Variants in ABR observed in about 807,000 individuals in gnomAD.
ABR encodes active breakpoint cluster region-related protein.
A neutral mutation model predicts 107.2 loss-of-function variants in ABR; 35 were observed. That is an observed-to-expected ratio of 0.33 (90% CI 0.25 to 0.43). ABR has a LOEUF of 0.43. Among genes scored for constraint, ABR ranks in the 20% least tolerant of loss-of-function variants. The pLI is 1.00. For missense variants in ABR, 815 were observed against 1,115.2 expected (o/e 0.73, Z 3.83); for synonymous variants, 498 against 462.0 (o/e 1.08, Z -1.00).
rs570474098 is a variant in ABR, at chr17:1,035,239, G to A, written c.1791+14811C>T. On this transcript the variant is annotated intron_variant, in intron 16 of 22. Coordinates refer to ENST00000302538, the MANE Select transcript of ABR (RefSeq NM_021962.5). Reference sequence around the variant, plus strand: ...AATTCTAGTCGCTGCAGCCCACCACGGACCCCTCCTCATCTCTGCTGGGTT... The same window carrying A: ...AATTCTAGTCGCTGCAGCCCACCACAGACCCCTCCTCATCTCTGCTGGGTT... 1.8e-4 allele frequency among the ~76,000 whole-genome samples: 28 copies of A among 151,454 alleles called. No homozygotes were observed. The East Asian group carries it at 5.0e-3, about 27-fold the overall frequency.
At chr17:1,208,924 A>C (rs1212424391) in intron 1 of ABR, among the ~76,000 whole-genome samples, 1 of 151,430 alleles carries the variant, frequency 6.6e-6, no homozygotes, top group Admixed American at 6.6e-5. Context: ...GTGCCTGCCA[A>C]GTCAGTTAAA....
chr17:1,098,442 T>C lies in ABR; in HGVS notation c.345+2195A>G, dbSNP rs1057146477. Among the ~76,000 whole-genome samples the C allele has an allele frequency of 8.5e-5, 13 of 152,276 alleles. No homozygotes were observed. In the East Asian group the frequency reaches 1.5e-3, roughly 18 times the overall value. On this transcript the variant is annotated intron_variant, in intron 3 of 22. Coordinates refer to ENST00000302538, the MANE Select transcript of ABR (RefSeq NM_021962.5). The stretch of plus-strand genomic sequence containing the variant: ...CATGGGCCCGGCAATTACATATATA[T>C]ACAGGCACACAGACAGACAACAAAC...
rs577764776 is a variant in ABR, at chr17:1,211,346, G to A, written c.838+17447C>T. Among the ~76,000 whole-genome samples the A allele has an allele frequency of 5.9e-5, 9 of 152,250 alleles. No individual in the cohort carries two copies. The South Asian group carries it at 1.2e-3, about 21-fold the overall frequency. ...AAATAAATAAAAATATGGATTCCAGGTTTTGCTCTGACCCAGTGGGATTCC... is the reference window on the plus strand; with the variant it reads ...AAATAAATAAAAATATGGATTCCAGATTTTGCTCTGACCCAGTGGGATTCC... On this transcript the variant is annotated intron_variant, in intron 1 of 22. Transcript: ENST00000574139.
chr17:1,191,808 T>C (rs1215482935), upstream of ABR, among the ~76,000 whole-genome samples: 1 of 152,156 alleles, frequency 6.6e-6, no homozygotes, highest in Non-Finnish European at 1.5e-5. Context: ...GTCAGGACTC[T>C]GCATGTATTA....
intron 16 of ABR, among the ~76,000 whole-genome samples, chr17:1,043,492 C>A (rs1426174151): frequency 2.0e-5 from 3 of 150,504 alleles, no homozygotes; most frequent in Non-Finnish European, 4.4e-5. Flanking sequence ...AAAATGGTAA[C>A]TTTATGTTAT....
chr17:1,010,637 C>A lies in ABR; in HGVS notation c.2236+92G>T. ...TGGGAAGGTCAGCCAGCAAAGGAAGCCACAGATATTTCTCCTGCTGGTTAC... is the reference window on the plus strand; with the variant it reads ...TGGGAAGGTCAGCCAGCAAAGGAAGACACAGATATTTCTCCTGCTGGTTAC... On this transcript the variant is annotated intron_variant, in intron 20 of 22. Coordinates refer to ENST00000302538, the MANE Select transcript of ABR (RefSeq NM_021962.5). The surrounding 1 kb of genome is among the most constrained non-coding windows in gnomAD (Gnocchi z 4.1). 1 of 1,533,088 alleles carries A rather than the reference C, an allele frequency of 6.5e-7. No homozygotes were observed. The highest frequency in any genetic ancestry group is 8.8e-7 in the Non-Finnish European group (1 of 1,134,012). The allele number at this position is 1,533,088 out of a possible 1,614,324, so 95.0% of individuals were successfully genotyped here.
chr17:1,061,001 AAAAAAC>A (rs1328382887), intron 10 of ABR, among the ~76,000 whole-genome samples: 7 of 152,038 alleles, frequency 4.6e-5, no homozygotes, highest in African/African-American at 1.7e-4. Context: ...CCATCTCAAA[AAAAAAC>A]AAAAAACAAA....
intron 5 of ABR, 75 bp downstream of exon 5, chr17:1,083,445 G>C: frequency 9.6e-7 from 1 of 1,045,790 alleles, no homozygotes; most frequent in Non-Finnish European, 1.4e-6. Flanking sequence ...GCAAGCGAGG[G>C]AGGGGAGACC....
At position 1,071,790 on chromosome 17, in the gene ABR, G is replaced by T. The variant is rs533912577; in HGVS notation, c.894+824C>A. ...GAGGCACCCGGAGGCCACTTCCCCG[G>T]CGTGGGCCTCCAGACAGTCCCAGGT... On this transcript the variant is annotated intron_variant, in intron 8 of 22. Coordinates refer to ENST00000302538, the MANE Select transcript of ABR (RefSeq NM_021962.5). The surrounding 1 kb of genome is among the most constrained non-coding windows in gnomAD (Gnocchi z 5.1). Among the ~76,000 whole-genome samples, 9 of 152,266 alleles carry T rather than the reference G, an allele frequency of 5.9e-5. No homozygotes were observed. The highest frequency in any genetic ancestry group is 2.6e-4 in the Admixed American group (4 of 15,290).
chr17:1,177,447 A>C (rs2041955496), intron 1 of ABR, among the ~76,000 whole-genome samples: 1 of 152,168 alleles, frequency 6.6e-6, no homozygotes. Context: ...CTCAGGTGCC[A>C]ATCTGCCTGA....
Position 1,084,870 on chromosome 17 carries a change from G to T in ABR, c.532-1243C>A, listed in dbSNP as rs1178824086. ...GTTGCCCAGGCTGCAGTACAGTGGT[G>T]CGATCTCGGCTCACCGCAACCTCCC... On this transcript the variant is annotated intron_variant, in intron 4 of 22. Coordinates refer to ENST00000302538, the MANE Select transcript of ABR (RefSeq NM_021962.5). The surrounding 1 kb of genome is among the most constrained non-coding windows in gnomAD (Gnocchi z 4.2). Among the ~76,000 whole-genome samples, 1 of 152,080 alleles carries T rather than the reference G, an allele frequency of 6.6e-6. No individual in the cohort carries two copies. Among genetic ancestry groups the T allele is most frequent in the African/African-American group, 2.4e-5 (1 of 41,362 alleles).
chr17:1,160,649 C>G (rs114351464), intron 1 of ABR, among the ~76,000 whole-genome samples: 1 of 152,214 alleles, frequency 6.6e-6, no homozygotes, highest in Non-Finnish European at 1.5e-5. Flanking sequence ...TGAGTTCACA[C>G]GACAGCCAGA....
At chr17:1,128,021 C>G (rs750934186) in intron 1 of ABR, among the ~76,000 whole-genome samples, 1 of 151,820 alleles carries the variant, frequency 6.6e-6, no homozygotes, top group East Asian at 1.9e-4. Context: ...AAAGAAGTCC[C>G]CTTCCATATC....
intron 16 of ABR, among the ~76,000 whole-genome samples, chr17:1,040,667 G>A (rs1286575498): frequency 1.1e-4 from 16 of 152,202 alleles, no homozygotes; most frequent in Non-Finnish European, 2.4e-4. Context: ...GGGGGTGGGG[G>A]ACAGGGTGCC....
chr17:1,072,522 C>G lies in ABR; in HGVS notation c.894+92G>C. On this transcript the variant is annotated intron_variant, in intron 8 of 22. Transcript: ENST00000302538. ...GCCGCCCGTGTGTGAGAGAAGGGGA[C>G]GAGGGACCTGCCGCCCGTGTGTGAG... The G allele has an allele frequency of 9.0e-6, 9 of 1,005,102 alleles. No homozygotes were observed. The South Asian group carries it at 1.4e-4, about 16-fold the overall frequency. 62.3% of individuals were successfully genotyped at this position (1,005,102 alleles called of 1,614,324 possible).
chr17:1,063,682 C>T (rs1597626774), intron 10 of ABR, among the ~76,000 whole-genome samples: 12 of 146,248 alleles, frequency 8.2e-5, no homozygotes, highest in South Asian at 4.4e-4. Flanking sequence ...TTCCTCTAGA[C>T]ACTGTTGTTA....
chr17:1,122,898 C>T (rs2039413437), intron 2 of ABR, among the ~76,000 whole-genome samples: 1 of 152,176 alleles, frequency 6.6e-6, no homozygotes, highest in South Asian at 2.1e-4. Context: ...TGCCAGAAGC[C>T]AGATATCTGA....
rs748178971 is a variant in ABR at position 1,011,814 on chromosome 17, A to C, written c.2101+32T>G. Reference sequence around the variant, plus strand: ...CCCACCAGCCTGCTCAGACACAGCCACACCTGCCCCGGCTGGGCCTCCCAG... The same window carrying C: ...CCCACCAGCCTGCTCAGACACAGCCCCACCTGCCCCGGCTGGGCCTCCCAG... On this transcript the variant is annotated intron_variant, in intron 19 of 22. Transcript: ENST00000302538. The surrounding 1 kb of genome is among the most constrained non-coding windows in gnomAD (Gnocchi z 4.8). 10 of 1,548,338 alleles carry C rather than the reference A, an allele frequency of 6.5e-6. No individual in the cohort carries two copies. In the Admixed American group the frequency reaches 1.6e-4, roughly 25 times the overall value.
At chr17:1,016,675 G>A (rs1386472982) in intron 16 of ABR, among the ~76,000 whole-genome samples, 1 of 151,968 alleles carries the variant, frequency 6.6e-6, no homozygotes, top group Non-Finnish European at 1.5e-5. Context: ...GCGCACCCCG[G>A]GCCAAGCCCC....
Sources: allele counts gnomAD v4.1 joint callset (sites outside exome capture counted in the v4.1 genomes callset), GRCh38; gene constraint gnomAD v4.1.1; non-coding constraint Gnocchi (gnomAD v3.1); transcripts MANE v1.5; gene names NCBI Gene and HGNC (gene_info 2026-07-23, HGNC 2026-07-21).